Variants in PHF21A observed in about 807,000 individuals in gnomAD.
PHF21A encodes BHC80a.
Under a neutral mutation model 82.5 loss-of-function variants are expected in PHF21A, and 11 were observed. The observed-to-expected ratio is 0.13, with a 90% CI of 0.08 to 0.22. The LOEUF (loss-of-function observed/expected upper bound fraction) is 0.22. Among genes scored for constraint, PHF21A ranks in the 10% least tolerant of loss-of-function variants. The pLI is 1.00. For synonymous variants in PHF21A, 297 were observed against 302.8 expected, an observed-to-expected ratio of 0.98 and a Z score of 0.20; for missense variants, 579 against 837.8, an observed-to-expected ratio of 0.69 and a Z score of 3.81.
chr11:46,118,574 A>G (rs527798574), intron 1 of PHF21A, among the ~76,000 whole-genome samples: 3 of 152,328 alleles, frequency 2.0e-5, no homozygotes, highest in Admixed American at 6.5e-5. Context: ...AAACATTAGC[A>G]TAACTGTACA....
At chr11:45,934,379 T>G in intron 18 of PHF21A, 154 bp from the exon 19 acceptor site, 2 of 707,434 alleles carry the variant, frequency 2.8e-6, no homozygotes, top group South Asian at 1.8e-5. Flanking sequence ...CTCAGTGGAG[T>G]GGGCGGCTAC....
At chr11:45,957,912 A>G (rs137925093) in intron 10 of PHF21A, among the ~76,000 whole-genome samples, 3,367 of 152,246 alleles carry the variant, frequency 0.022, 53 homozygotes, top group Middle Eastern at 0.037. Context: ...GAAGATACAA[A>G]TAACTAAAAC....
intron 6 of PHF21A, among the ~76,000 whole-genome samples, chr11:46,050,554 A>G (rs893711136): frequency 6.6e-6 from 1 of 152,222 alleles, no homozygotes; most frequent in East Asian, 1.9e-4. Flanking sequence ...ACTTACTGAT[A>G]TAAGCATCTC....
intron 1 of PHF21A, chr11:46,119,934 G>T (rs1852612806): frequency 6.8e-6 from 1 of 146,314 alleles, no homozygotes; most frequent in Admixed American, 6.8e-5. Context: ...CTCTCGGAGC[G>T]GCCTGTCCGC....
chr11:45,935,504 G>A, intron 18 of PHF21A, 132 bp downstream of exon 18: 1 of 685,962 alleles, frequency 1.5e-6, no homozygotes, highest in Non-Finnish European at 2.5e-6. Context: ...AACTGCATTT[G>A]CCCAAGTTAA....
At chr11:46,015,466 T>C (rs1380287417) in intron 6 of PHF21A, among the ~76,000 whole-genome samples, 1 of 152,148 alleles carries the variant, frequency 6.6e-6, no homozygotes, top group African/African-American at 2.4e-5. Flanking sequence ...AGGATTCTTA[T>C]AGTTTGAGAT....
At chr11:46,072,772 A>G (rs2134788595) in intron 6 of PHF21A, among the ~76,000 whole-genome samples, 1 of 152,288 alleles carries the variant, frequency 6.6e-6, no homozygotes, top group East Asian at 1.9e-4. Context: ...CACCAGGTAA[A>G]GGGAGATAGG....
At chr11:46,013,267 T>C (rs890929005) in intron 6 of PHF21A, among the ~76,000 whole-genome samples, 1 of 152,016 alleles carries the variant, frequency 6.6e-6, no homozygotes. Flanking sequence ...ATCCATAAGT[T>C]TTAAACTGCA....
chr11:45,984,579 A>G (rs971345223), intron 6 of PHF21A, among the ~76,000 whole-genome samples: 11 of 152,186 alleles, frequency 7.2e-5, no homozygotes, highest in African/African-American at 2.7e-4. Context: ...ATACAACAGA[A>G]AATCAGGTTC....
At chr11:46,102,574 G>A (rs905354291) in intron 1 of PHF21A, among the ~76,000 whole-genome samples, 1 of 152,178 alleles carries the variant, frequency 6.6e-6, no homozygotes. Flanking sequence ...CATGAGACTA[G>A]AGAGCAGTCT....
At chr11:45,984,263 A>C (rs925382714) in intron 6 of PHF21A, among the ~76,000 whole-genome samples, 29 of 152,300 alleles carry the variant, frequency 1.9e-4, no homozygotes, top group African/African-American at 6.7e-4. Context: ...ATATTTCTAT[A>C]AACAATAAGC....
At position 45,932,880 on chromosome 11, in the gene PHF21A, G is replaced by A. The variant is rs1458121785; in HGVS notation, c.*1088C>T. The A allele has an allele frequency of 6.6e-6, 1 of 152,378 alleles. No homozygotes were observed. Among genetic ancestry groups the A allele is most frequent in the African/African-American group, 2.4e-5 (1 of 41,382 alleles). 9.4% of individuals were successfully genotyped at this position (152,378 alleles called of 1,614,324 possible). A position where few individuals can be genotyped will look rare whatever the true frequency, so the allele number is the denominator to read the frequency against. ...CTACCCTTAATTGGACTGTCAGCCTGAAAAACAGCTTTTCTATTCCTTATT... is the reference window on the plus strand; with the variant it reads ...CTACCCTTAATTGGACTGTCAGCCTAAAAAACAGCTTTTCTATTCCTTATT... On this transcript the variant is annotated 3_prime_UTR_variant, in exon 19 of 19. Transcript: ENST00000676320. This position sits in a 1 kb window ranked among gnomAD's most constrained non-coding sequence, Gnocchi z 4.3.
In PHF21A at chr11:46,119,583, G is replaced by A. The variant is rs144146541; in HGVS notation, c.-237+1352C>T. 851 of 152,098 alleles carry A rather than the reference G, an allele frequency of 5.6e-3. 4 individuals carry two copies. Among genetic ancestry groups the A allele is most frequent in the Non-Finnish European group, 5.9e-3 (401 of 68,008 alleles). The allele number at this position is 152,098 out of a possible 1,614,324, so 9.4% of individuals were successfully genotyped here. On this transcript the variant is annotated intron_variant, in intron 1 of 18. Coordinates refer to ENST00000676320, the MANE Select transcript of PHF21A (RefSeq NM_001352027.3). ...ACTCAACTACTTAGAAATCACTCTC[G>A]GCACATCTGCACCCGACAACCGGCC...
intron 6 of PHF21A, among the ~76,000 whole-genome samples, chr11:46,013,518 G>T (rs1298147383): frequency 1.3e-5 from 2 of 152,162 alleles, no homozygotes; most frequent in Admixed American, 6.5e-5. Flanking sequence ...GCAGGTAAGT[G>T]GGGGAGTACT....
intron 1 of PHF21A, chr11:46,117,856 A>G (rs1851794163): frequency 1.3e-5 from 2 of 152,262 alleles, no homozygotes; most frequent in African/African-American, 4.8e-5. Flanking sequence ...TCTACTTTGT[A>G]CAGTCAAAGA....
At position 46,009,066 on chromosome 11, in the gene PHF21A, C is replaced by G. The variant is rs1382345309; in HGVS notation, c.154-29100G>C. Among the ~76,000 whole-genome samples the G allele has an allele frequency of 2.0e-5, 3 of 151,582 alleles. No homozygotes were observed. The East Asian group carries it at 5.8e-4, about 29-fold the overall frequency. On this transcript the variant is annotated intron_variant, in intron 6 of 18. Transcript: ENST00000676320. ...CCCGGCTCACTGCAACCTCCACCCC[C>G]TGGGTTCAAGCGATTCTCCTGCCTC...
At chr11:46,066,366 A>G (rs2096594404) in intron 6 of PHF21A, among the ~76,000 whole-genome samples, 1 of 152,138 alleles carries the variant, frequency 6.6e-6, no homozygotes, top group Non-Finnish European at 1.5e-5. Flanking sequence ...TCTGTATGGT[A>G]TACCTCAACA....
intron 15 of PHF21A, among the ~76,000 whole-genome samples, chr11:45,944,993 C>G (rs982309072): frequency 3.3e-5 from 5 of 152,232 alleles, no homozygotes; most frequent in African/African-American, 7.2e-5. Context: ...GAACTCCTGA[C>G]TTCAGATGAT....
At chr11:45,976,390 G>C (rs1445984363) in intron 7 of PHF21A, among the ~76,000 whole-genome samples, 2 of 152,020 alleles carry the variant, frequency 1.3e-5, no homozygotes, top group African/African-American at 4.8e-5. Context: ...TGTGAATTTA[G>C]TCTCCACATT....
Sources: allele counts gnomAD v4.1 joint callset (sites outside exome capture counted in the v4.1 genomes callset), GRCh38; gene constraint gnomAD v4.1.1; non-coding constraint Gnocchi (gnomAD v3.1); transcripts MANE v1.5; gene names NCBI Gene and HGNC (gene_info 2026-07-23, HGNC 2026-07-21).